The following GRIN2A variants were observed in gnomAD, a reference collection of about 807,000 sequenced individuals.
GRIN2A encodes glutamate ionotropic receptor NMDA type subunit 2A.
GRIN2A carries 22 observed loss-of-function variants against 113.4 expected under a neutral mutation model. That is an observed-to-expected ratio of 0.19 (90% CI 0.14 to 0.28). GRIN2A has a LOEUF of 0.28. Among genes scored for constraint, GRIN2A ranks in the 10% least tolerant of loss-of-function variants. The probability of loss-of-function intolerance (pLI) is 1.00; values close to 1 mark genes in which losing one functional copy is unlikely to be tolerated. For missense variants in GRIN2A, 1,502 were observed against 1,887.0 expected, an observed-to-expected ratio of 0.80 and a Z score of 3.78; for synonymous variants, 827 against 738.4, an observed-to-expected ratio of 1.12 and a Z score of -1.94.
intron 2 of GRIN2A, among the ~76,000 whole-genome samples, chr16:10,170,082 A>G (rs2050009881): frequency 6.6e-6 from 1 of 152,256 alleles, no homozygotes; most frequent in Non-Finnish European, 1.5e-5. Context: ...GAGTGGGGAC[A>G]GCTGTAGTGA....
intron 2 of GRIN2A, 39 bp downstream of exon 2, chr16:10,179,959 C>T: frequency 2.2e-6 from 3 of 1,375,180 alleles, no homozygotes; most frequent in Non-Finnish European, 2.9e-6. Flanking sequence ...CAGCTGGTGG[C>T]TTCCCAGGTC....
chr16:9,873,023 C>A (rs35999853), intron 4 of GRIN2A, among the ~76,000 whole-genome samples: 34,319 of 151,726 alleles, frequency 0.23, 4,016 homozygotes, highest in African/African-American at 0.25. Flanking sequence ...CCAGCCTGGG[C>A]AACAAAGCAA....
intron 10 of GRIN2A, among the ~76,000 whole-genome samples, chr16:9,817,009 C>G (rs985485412): frequency 2.6e-5 from 4 of 152,128 alleles, no homozygotes; most frequent in Admixed American, 1.3e-4. Flanking sequence ...ACATCAAACC[C>G]TTTTTTCTCA....
chr16:9,814,742 G>A (rs754392337), intron 10 of GRIN2A, among the ~76,000 whole-genome samples: 3 of 152,206 alleles, frequency 2.0e-5, no homozygotes, highest in African/African-American at 7.2e-5. Flanking sequence ...CTTCTTGGCC[G>A]GGTGCGGTGG....
chr16:9,828,186 T>G (rs1229760755), intron 9 of GRIN2A, among the ~76,000 whole-genome samples: 1 of 152,094 alleles, frequency 6.6e-6, no homozygotes, highest in East Asian at 1.9e-4. Flanking sequence ...GAAATAAACT[T>G]AGTGACAGGG....
intron 2 of GRIN2A, among the ~76,000 whole-genome samples, chr16:10,077,170 G>A (rs1412356508): frequency 6.6e-6 from 1 of 152,188 alleles, no homozygotes; most frequent in Non-Finnish European, 1.5e-5. Flanking sequence ...ATTCTCCCCT[G>A]CAGCCTCCAG....
At chr16:9,873,624 A>G (rs940008106) in intron 4 of GRIN2A, among the ~76,000 whole-genome samples, 1 of 152,202 alleles carries the variant, frequency 6.6e-6, no homozygotes, top group African/African-American at 2.4e-5. Flanking sequence ...AGAAAACAAA[A>G]CAAAAAAGTG....
At chr16:10,158,603 G>A (rs555971336) in intron 2 of GRIN2A, among the ~76,000 whole-genome samples, 5 of 152,188 alleles carry the variant, frequency 3.3e-5, no homozygotes, top group Non-Finnish European at 5.9e-5. Flanking sequence ...AAGGAATAAA[G>A]TACTGATTCA....
intron 2 of GRIN2A, among the ~76,000 whole-genome samples, chr16:9,946,879 T>C (rs1055301480): frequency 6.6e-6 from 1 of 152,228 alleles, no homozygotes; most frequent in Non-Finnish European, 1.5e-5. Flanking sequence ...TACCAAGTTC[T>C]GATATCCATG....
chr16:9,814,954 G>A (rs1404226041), intron 10 of GRIN2A, among the ~76,000 whole-genome samples: 3 of 151,182 alleles, frequency 2.0e-5, no homozygotes, highest in Non-Finnish European at 2.9e-5. Flanking sequence ...CCGGAAGGCA[G>A]AGGTTGTGGT....
At chr16:10,139,850 G>A (rs1363272993) in intron 2 of GRIN2A, among the ~76,000 whole-genome samples, 2 of 150,740 alleles carry the variant, frequency 1.3e-5, no homozygotes, top group African/African-American at 4.9e-5. Flanking sequence ...TTTTTTTGAA[G>A]GGAGTCTCAC....
chr16:9,959,477 C>A (rs746184982), intron 2 of GRIN2A, among the ~76,000 whole-genome samples: 1 of 152,212 alleles, frequency 6.6e-6, no homozygotes, highest in Non-Finnish European at 1.5e-5. Context: ...TCACTTCAAT[C>A]TATTTGCAGA....
At chr16:10,085,812 C>A (rs191013617) in intron 2 of GRIN2A, among the ~76,000 whole-genome samples, 38 of 152,254 alleles carry the variant, frequency 2.5e-4, no homozygotes, top group African/African-American at 9.1e-4. Flanking sequence ...TCTCTGGGAT[C>A]CCCCTGGCCA....
At chr16:10,131,210 C>G (rs775991252) in intron 2 of GRIN2A, among the ~76,000 whole-genome samples, 1 of 152,084 alleles carries the variant, frequency 6.6e-6, no homozygotes, top group Non-Finnish European at 1.5e-5. Context: ...TATTAAACAC[C>G]GAGGCTAGTG....
At chr16:9,948,721 G>A (rs1046413160) in intron 2 of GRIN2A, among the ~76,000 whole-genome samples, 2 of 152,210 alleles carry the variant, frequency 1.3e-5, no homozygotes, top group African/African-American at 4.8e-5. Flanking sequence ...GGGCCACCCT[G>A]GGGTGAACCG....
intron 2 of GRIN2A, among the ~76,000 whole-genome samples, chr16:9,956,177 G>C (rs2045305240): frequency 6.6e-6 from 1 of 152,204 alleles, no homozygotes; most frequent in African/African-American, 2.4e-5. Flanking sequence ...TGCCACTGAA[G>C]TGAGATGTTT....
intron 3 of GRIN2A, among the ~76,000 whole-genome samples, chr16:9,932,892 C>T (rs2044629536): frequency 6.6e-6 from 1 of 152,158 alleles, no homozygotes; most frequent in South Asian, 2.1e-4. Context: ...GGCCCCAGTG[C>T]CCATGCTCTT....
At chr16:10,006,435 A>T (rs1406990378) in intron 2 of GRIN2A, among the ~76,000 whole-genome samples, 1 of 152,188 alleles carries the variant, frequency 6.6e-6, no homozygotes, top group Non-Finnish European at 1.5e-5. Flanking sequence ...TAAAGAGATG[A>T]CATTCTGGCT....
chr16:10,124,366 T>C lies in GRIN2A; in HGVS notation c.414+55632A>G, dbSNP rs562609883. On this transcript the variant is annotated intron_variant, in intron 2 of 12. Coordinates refer to ENST00000330684, the MANE Select transcript of GRIN2A (RefSeq NM_001134407.3). ...ATGTATGCAAAGTGCCTGCCCTGTA[T>C]GCAGTAGATGCTCAATAACTGGAGG... is the stretch of plus-strand genomic sequence containing the variant. 2.6e-5 allele frequency among the ~76,000 whole-genome samples: 4 copies of C among 152,304 alleles called. No homozygotes were observed. The South Asian group carries it at 8.3e-4, about 32-fold the overall frequency.
Sources: gnomAD v4.1 joint callset for allele counts (sites outside exome capture counted in the v4.1 genomes callset) on GRCh38, gnomAD v4.1.1 for gene constraint, MANE v1.5 for transcripts, NCBI Gene and HGNC (gene_info 2026-07-23, HGNC 2026-07-21) for gene names.